GHR: variants seen among roughly 807,000 people sequenced by gnomAD.
GHR encodes GH receptor.
Under a neutral mutation model 67.1 loss-of-function variants are expected in GHR, and 35 were observed. The ratio of observed to expected loss-of-function variants is 0.52; its 90% CI spans 0.40 to 0.69. GHR has a LOEUF of 0.69. Among genes scored for constraint, GHR ranks in the 30% least tolerant of loss-of-function variants. The probability of loss-of-function intolerance (pLI) is 0.00; values close to 1 mark genes in which losing one functional copy is unlikely to be tolerated. For missense variants in GHR, 792 were observed against 764.6 expected (o/e 1.04, Z -0.42); for synonymous variants, 272 against 269.1 (o/e 1.01, Z -0.10).
intron 6 of GHR, among the ~76,000 whole-genome samples, chr5:42,704,248 A>T (rs537155444): frequency 6.6e-6 from 1 of 151,832 alleles, no homozygotes; most frequent in Non-Finnish European, 1.5e-5. Context: ...CTAATTGTTA[A>T]GGGTTTTTAT....
At chr5:42,570,049 A>G (rs1283414318) in intron 2 of GHR, among the ~76,000 whole-genome samples, 2 of 145,048 alleles carry the variant, frequency 1.4e-5, no homozygotes, top group East Asian at 3.8e-4. Context: ...ATTTTTTAAA[A>G]TAAACTCTAT....
intron 1 of GHR, chr5:42,549,740 T>G: frequency 1.3e-6 from 1 of 794,244 alleles, no homozygotes; most frequent in Non-Finnish European, 1.5e-6. Context: ...TGGATGTACC[T>G]CTCTAAAAGT....
intron 2 of GHR, among the ~76,000 whole-genome samples, chr5:42,601,608 T>TC (rs1561158735): frequency 1.8e-4 from 28 of 152,274 alleles, no homozygotes; most frequent in African/African-American, 6.3e-4. Context: ...AAATTCTTAT[T>TC]AAAGCATTAA....
intron 3 of GHR, among the ~76,000 whole-genome samples, chr5:42,687,479 C>A (rs1200486754): frequency 6.6e-6 from 1 of 152,172 alleles, no homozygotes; most frequent in Non-Finnish European, 1.5e-5. Flanking sequence ...AGACAAGGAC[C>A]AACTTTTATC....
At chr5:42,477,597 T>C (rs1745396763) in intron 1 of GHR, among the ~76,000 whole-genome samples, 1 of 152,204 alleles carries the variant, frequency 6.6e-6, no homozygotes, top group South Asian at 2.1e-4. Flanking sequence ...AGATGGTATC[T>C]CATAGTGGTT....
intron 3 of GHR, among the ~76,000 whole-genome samples, chr5:42,682,551 T>A (rs764619728): frequency 6.6e-5 from 10 of 152,276 alleles, no homozygotes; most frequent in Middle Eastern, 3.4e-3. Context: ...AGTTGGACTT[T>A]AGGAATGCTG....
chr5:42,467,190 G>A, intron 1 of GHR: 3 of 1,589,130 alleles, frequency 1.9e-6, no homozygotes, highest in South Asian at 2.2e-5. Flanking sequence ...AGAGCTGACT[G>A]AAGGCTTGCC....
chr5:42,661,447 A>T (rs1365515993), intron 3 of GHR, among the ~76,000 whole-genome samples: 1 of 152,244 alleles, frequency 6.6e-6, no homozygotes, highest in Non-Finnish European at 1.5e-5. Flanking sequence ...GGGGGCCAAT[A>T]TTCAACATTC....
intron 3 of GHR, among the ~76,000 whole-genome samples, chr5:42,658,499 A>T (rs1212372541): frequency 1.3e-5 from 2 of 152,236 alleles, no homozygotes; most frequent in Non-Finnish European, 2.9e-5. Flanking sequence ...TCAATCAATC[A>T]TGGTTAAAAA....
intron 1 of GHR, among the ~76,000 whole-genome samples, chr5:42,454,127 C>T: frequency 6.6e-6 from 1 of 152,160 alleles, no homozygotes; most frequent in East Asian, 1.9e-4. Flanking sequence ...CGAATGTCTG[C>T]AAAGAGACCG....
At chr5:42,647,201 G>A (rs1436113196) in intron 3 of GHR, among the ~76,000 whole-genome samples, 1 of 152,038 alleles carries the variant, frequency 6.6e-6, no homozygotes, top group Non-Finnish European at 1.5e-5. Flanking sequence ...AAAGTTTAAG[G>A]CGGAATTGTG....
intron 1 of GHR, among the ~76,000 whole-genome samples, chr5:42,502,925 G>A (rs1452697478): frequency 1.3e-5 from 2 of 151,672 alleles, no homozygotes; most frequent in African/African-American, 4.8e-5. Flanking sequence ...AGGAGAAGGA[G>A]CAAGGCAGGA....
At chr5:42,666,187 A>G (rs1755967047) in intron 3 of GHR, among the ~76,000 whole-genome samples, 1 of 151,942 alleles carries the variant, frequency 6.6e-6, no homozygotes, top group South Asian at 2.1e-4. Context: ...AATAAGTTCT[A>G]CTATCTTAAC....
intron 2 of GHR, among the ~76,000 whole-genome samples, chr5:42,626,831 G>A (rs547480834): frequency 6.6e-6 from 1 of 152,232 alleles, no homozygotes; most frequent in South Asian, 2.1e-4. Context: ...TTTACTGTGG[G>A]CCTGAGCCAT....
chr5:42,518,295 T>C (rs1326354377), intron 1 of GHR, among the ~76,000 whole-genome samples: 1 of 152,078 alleles, frequency 6.6e-6, no homozygotes, highest in Non-Finnish European at 1.5e-5. Context: ...AAAGAGTTTG[T>C]GTGTGTGTTG....
chr5:42,718,384 T>G, intron 9 of GHR, 69 bp from the exon 10 acceptor site: 1 of 1,150,590 alleles, frequency 8.7e-7, no homozygotes, highest in Non-Finnish European at 1.3e-6. Context: ...TCTCTGAACA[T>G]TATTTGCTAA....
intron 1 of GHR, among the ~76,000 whole-genome samples, chr5:42,474,317 G>GAA (rs1554054614): frequency 3.6e-5 from 5 of 138,944 alleles, no homozygotes; most frequent in Admixed American, 7.1e-5. Flanking sequence ...AAGAAAGAAA[G>GAA]AAAGAAAGAA....
At position 42,529,963 on chromosome 5, in the gene GHR, G is replaced by T. The variant is rs185318470; in HGVS notation, c.-11-35901G>T. ...ATGAACTTCTTCCGGAATGGGAATAGGAAATGAAAGAGAGTAAATCAGAAG... is the reference window on the plus strand; with the variant it reads ...ATGAACTTCTTCCGGAATGGGAATATGAAATGAAAGAGAGTAAATCAGAAG... On this transcript the variant is annotated intron_variant, in intron 1 of 9. Coordinates refer to ENST00000230882, the MANE Select transcript of GHR (RefSeq NM_000163.5). Among the ~76,000 whole-genome samples, 55 of 147,742 alleles carry T rather than the reference G, an allele frequency of 3.7e-4. 1 individual carries two copies. Among genetic ancestry groups the T allele is most frequent in the African/African-American group, 1.3e-3 (52 of 40,140 alleles).
In GHR at chr5:42,713,405, G is replaced by A. The variant is rs2972778; in HGVS notation, c.785-24G>A. 520 of 1,023,608 alleles carry A rather than the reference G, an allele frequency of 5.1e-4. 3 individuals carry two copies. The African/African-American group carries it at 7.2e-3, about 14-fold the overall frequency. The allele number at this position is 1,023,608 out of a possible 1,614,324, so 63.4% of individuals were successfully genotyped here. A position where few individuals can be genotyped will look rare whatever the true frequency, so the allele number is the denominator to read the frequency against. ...GCTTCAACTATTCGTAATTCTGAAAGCGAAATATTCTTGTGTGTTTCAGAT... is the reference window on the plus strand; with the variant it reads ...GCTTCAACTATTCGTAATTCTGAAAACGAAATATTCTTGTGTGTTTCAGAT... On this transcript the variant is annotated intron_variant, in intron 7 of 9. Transcript: ENST00000230882.
Sources: allele counts gnomAD v4.1 joint callset (sites outside exome capture counted in the v4.1 genomes callset), GRCh38; gene constraint gnomAD v4.1.1; transcripts MANE v1.5; gene names NCBI Gene and HGNC (gene_info 2026-07-23, HGNC 2026-07-21).